The following TIAM2 variants were observed in gnomAD, a reference collection of about 807,000 sequenced individuals.
TIAM2 encodes the protein TIAM Rac1 associated GEF 2, also known as rho guanine nucleotide exchange factor TIAM2.
In TIAM2, 80 loss-of-function variants were observed where a neutral mutation model predicts 152.9. That is an observed-to-expected ratio of 0.52 (90% CI 0.44 to 0.63). TIAM2 has a LOEUF of 0.63. Ranked by LOEUF, TIAM2 falls within the 30% of genes least tolerant of loss-of-function variation. TIAM2 has a pLI of 0.00. For synonymous variants in TIAM2, 804 were observed against 838.0 expected, an observed-to-expected ratio of 0.96 and a Z score of 0.70; for missense variants, 1,965 against 2,120.1, an observed-to-expected ratio of 0.93 and a Z score of 1.44.
chr6:155,029,485 C>CTATA (rs371777184), intron 1 of TIAM2, among the ~76,000 whole-genome samples: 1 of 10,362 alleles, frequency 9.7e-5, no homozygotes, highest in African/African-American at 2.9e-4. Context: ...AGTATATATA[C>CTATA]TATAGTATAT....
chr6:155,047,517 T>C (rs1455409505), intron 1 of TIAM2, among the ~76,000 whole-genome samples: 1 of 152,030 alleles, frequency 6.6e-6, no homozygotes, highest in Admixed American at 6.6e-5. Flanking sequence ...CGTGACTTAG[T>C]GAGGAGGAGA....
At chr6:155,029,927 G>A (rs896230103) in intron 1 of TIAM2, among the ~76,000 whole-genome samples, 1 of 151,646 alleles carries the variant, frequency 6.6e-6, no homozygotes, top group Non-Finnish European at 1.5e-5. Flanking sequence ...CAAGTAGCTG[G>A]GACCACAGGC....
At chr6:155,126,110 G>C (rs1779288534) in intron 2 of TIAM2, among the ~76,000 whole-genome samples, 1 of 152,096 alleles carries the variant, frequency 6.6e-6, no homozygotes, top group Non-Finnish European at 1.5e-5. Flanking sequence ...AACAAAATGT[G>C]GCATGCACAT....
At chr6:155,193,010 A>C (rs1781247394) in intron 14 of TIAM2, among the ~76,000 whole-genome samples, 1 of 152,100 alleles carries the variant, frequency 6.6e-6, no homozygotes, top group Admixed American at 6.5e-5. Context: ...TAGATCTTTT[A>C]CTCATGCGTG....
chr6:155,069,229 G>A (rs1777779007), intron 1 of TIAM2, among the ~76,000 whole-genome samples: 1 of 152,044 alleles, frequency 6.6e-6, no homozygotes, highest in Non-Finnish European at 1.5e-5. Flanking sequence ...CAAGTAGCTG[G>A]GATTACAGGT....
rs190643890 is a variant in TIAM2, at chr6:155,146,011, A to G, written c.1803+1233A>G. On this transcript the variant is annotated intron_variant, in intron 6 of 26. Coordinates refer to ENST00000682666, the MANE Select transcript of TIAM2 (RefSeq NM_012454.4). ...GAAGGTAAAAAAACAAACAACAACA[A>G]CAAAAAGTTACATTAAATCTGCATG... 2.3e-3 allele frequency among the ~76,000 whole-genome samples: 355 copies of G among 152,334 alleles called. 1 individual carries two copies. The highest frequency in any genetic ancestry group is 2.7e-3 in the Non-Finnish European group (186 of 68,034).
intron 1 of TIAM2, among the ~76,000 whole-genome samples, chr6:155,064,680 A>T (rs921045451): frequency 6.6e-6 from 1 of 152,212 alleles, no homozygotes; most frequent in African/African-American, 2.4e-5. Context: ...TTACATAATT[A>T]TGCTCCATGG....
chr6:155,132,055 T>G (rs960713548), intron 4 of TIAM2, among the ~76,000 whole-genome samples: 1 of 151,878 alleles, frequency 6.6e-6, no homozygotes, highest in Non-Finnish European at 1.5e-5. Context: ...AAGTGGCTTA[T>G]CCACCAGGAA....
At chr6:155,058,427 T>C (rs1777499770) in intron 1 of TIAM2, among the ~76,000 whole-genome samples, 1 of 152,130 alleles carries the variant, frequency 6.6e-6, no homozygotes. Context: ...GGGAAGTAAA[T>C]ATTGGATAAA....
At chr6:155,221,107 CTTGTTTTT>C (rs958958527) in intron 15 of TIAM2, among the ~76,000 whole-genome samples, 5 of 65,432 alleles carry the variant, frequency 7.6e-5, no homozygotes, top group African/African-American at 2.7e-4. Flanking sequence ...TCTCTTTCAT[CTTGTTTTT>C]TTTTTTTTTT....
chr6:154,999,824 A>G (rs1293608079), intron 1 of TIAM2, among the ~76,000 whole-genome samples: 1 of 151,950 alleles, frequency 6.6e-6, no homozygotes, highest in Non-Finnish European at 1.5e-5. Context: ...GATTACAGGT[A>G]CGTGCCACCA....
chr6:155,175,795 A>G (rs1780747297), intron 9 of TIAM2, among the ~76,000 whole-genome samples: 1 of 152,234 alleles, frequency 6.6e-6, no homozygotes. Flanking sequence ...GCATGAAGTC[A>G]GCAATTGTTG....
intron 1 of TIAM2, among the ~76,000 whole-genome samples, chr6:155,053,843 C>T (rs1374343872): frequency 6.6e-6 from 1 of 152,150 alleles, no homozygotes; most frequent in Non-Finnish European, 1.5e-5. Context: ...GTGCAAATAA[C>T]CTTGCCTGCT....
chr6:155,106,766 G>T (rs1248615701), intron 2 of TIAM2, among the ~76,000 whole-genome samples: 1 of 152,214 alleles, frequency 6.6e-6, no homozygotes, highest in South Asian at 2.1e-4. Context: ...ATGGAACTTC[G>T]GTGGTAATTA....
chr6:155,034,048 T>C (rs1451665770), intron 1 of TIAM2, among the ~76,000 whole-genome samples: 1 of 143,108 alleles, frequency 7.0e-6, no homozygotes, highest in African/African-American at 2.8e-5. Context: ...TGCTTACCTT[T>C]TTTTTTTTTT....
At chr6:155,121,659 T>C (rs1432089671) in intron 2 of TIAM2, among the ~76,000 whole-genome samples, 1 of 152,234 alleles carries the variant, frequency 6.6e-6, no homozygotes, top group Non-Finnish European at 1.5e-5. Flanking sequence ...TTTTGTTATC[T>C]GGCTCTTGTC....
chr6:155,108,833 A>G (rs1778759946), intron 2 of TIAM2, among the ~76,000 whole-genome samples: 1 of 152,136 alleles, frequency 6.6e-6, no homozygotes, highest in Non-Finnish European at 1.5e-5. Flanking sequence ...TCTTCCCACC[A>G]GAAGTATTGA....
Position 155,144,672 on chromosome 6 carries a change from G to T in TIAM2, c.1697G>T (p.Cys566Phe). The T allele has an allele frequency of 6.2e-7, 1 of 1,608,656 alleles. No homozygotes were observed. ...ATGGATCAGAGCAGTGCCCCTCGGT[G>T]TGCTCTGTTTGCAGAAGACAGCATA... The part of the protein sequence containing the change: ...NSMDQSSAPR[C>F]ALFAEDSIVQ... Residue 566 changes from cysteine to phenylalanine, a missense_variant, in exon 6 of 27, where the codon TGT (cysteine) becomes TTT (phenylalanine). Around this residue, in one of 3 missense-constraint regions of TIAM2, gnomAD observed 1,025 missense variants for 1,119.4 expected, o/e 0.92. Transcript: ENST00000682666.
intron 1 of TIAM2, among the ~76,000 whole-genome samples, chr6:155,028,674 T>C (rs1348698319): frequency 2.3e-5 from 3 of 132,156 alleles, no homozygotes; most frequent in Non-Finnish European, 3.1e-5. Context: ...TACTGTGTTA[T>C]ATATATACTA....
Sources: gnomAD v4.1 joint callset for allele counts (sites outside exome capture counted in the v4.1 genomes callset) on GRCh38, gnomAD v4.1.1 for gene constraint, gnomAD v4.1.1 regional missense constraint, MANE v1.5 for transcripts, NCBI Gene and HGNC (gene_info 2026-07-23, HGNC 2026-07-21) for gene names.